The following QSOX1 variants were observed in gnomAD, a reference collection of about 807,000 sequenced individuals.
QSOX1 encodes the protein sulfhydryl oxidase 1.
Under a neutral mutation model 76.1 loss-of-function variants are expected in QSOX1, and 40 were observed. The observed-to-expected ratio is 0.53, with a 90% CI of 0.41 to 0.68. QSOX1 has a LOEUF of 0.68. QSOX1 is among the 30% of genes least tolerant of loss of function. The probability of loss-of-function intolerance (pLI) is 0.00; values close to 1 mark genes in which losing one functional copy is unlikely to be tolerated. For missense variants in QSOX1, 931 were observed against 974.3 expected (o/e 0.96, Z 0.59); for synonymous variants, 392 against 413.1 (o/e 0.95, Z 0.62).
chr1:180,197,404 G>T lies in QSOX1; in HGVS notation c.*367G>T, dbSNP rs570309243. 2.5e-6 allele frequency: 4 copies of T among 1,610,640 alleles called. No homozygotes were observed. The East Asian group carries it at 8.9e-5, about 36-fold the overall frequency. ...TGCTTGGTCTTGGCCCTCAACTGGG[G>T]CAAGTGAAGCCAGAGGAGGGTCCCC... On this transcript the variant is annotated 3_prime_UTR_variant, in exon 12 of 12. Coordinates refer to ENST00000367602, the MANE Select transcript of QSOX1 (RefSeq NM_002826.5).
At chr1:180,162,021 C>T (rs1225944032) in intron 1 of QSOX1, among the ~76,000 whole-genome samples, 1 of 152,166 alleles carries the variant, frequency 6.6e-6, no homozygotes, top group African/African-American at 2.4e-5. Flanking sequence ...GACAATAAGA[C>T]TTAAAATGGT....
chr1:180,184,089 CTCTGATCACAGACCACCACACCT>C (rs1558190197), intron 7 of QSOX1, 39 bp downstream of exon 7: 1 of 1,608,002 alleles, frequency 6.2e-7, no homozygotes, highest in Non-Finnish European at 8.5e-7. Flanking sequence ...CTTCTCCTTC[CTCTGATCACAGACCACCACACCT>C]TCACACCCAC....
At chr1:180,183,625 G>T (rs1036774004) in intron 6 of QSOX1, among the ~76,000 whole-genome samples, 2 of 152,182 alleles carry the variant, frequency 1.3e-5, no homozygotes, top group Admixed American at 1.3e-4. Flanking sequence ...GCCCTGCCTG[G>T]AGCCAGAGGG....
At chr1:180,186,273 C>T in intron 8 of QSOX1, 91 bp downstream of exon 8, 1 of 1,508,166 alleles carries the variant, frequency 6.6e-7, no homozygotes, top group Non-Finnish European at 8.9e-7. Context: ...CAGCCCCTCC[C>T]TCCAGAAGCC....
intron 1 of QSOX1, among the ~76,000 whole-genome samples, chr1:180,157,694 C>G (rs954518927): frequency 2.6e-5 from 4 of 152,276 alleles, no homozygotes; most frequent in Middle Eastern, 3.4e-3. Flanking sequence ...CCTGGTTTAT[C>G]CCCTTTCTAT....
In QSOX1 at chr1:180,197,881, G is replaced by A. The variant is rs552499022; in HGVS notation, c.*844G>A. The A allele has an allele frequency of 3.3e-6, 1 of 304,234 alleles. No homozygotes were observed. Among genetic ancestry groups the A allele is most frequent in the East Asian group, 8.7e-5 (1 of 11,534 alleles). The allele number at this position is 304,234 out of a possible 1,614,324, so 18.8% of individuals were successfully genotyped here. A position where few individuals can be genotyped will look rare whatever the true frequency, so the allele number is the denominator to read the frequency against. On this transcript the variant is annotated 3_prime_UTR_variant, in exon 12 of 12. Coordinates refer to ENST00000367602, the MANE Select transcript of QSOX1 (RefSeq NM_002826.5). Reference sequence around the variant, plus strand: ...CATCTTTGGAGGGTGCCAGGTAGAAGCTAGGGAGGGGAGTGTCTTCTCTCT... The same window carrying A: ...CATCTTTGGAGGGTGCCAGGTAGAAACTAGGGAGGGGAGTGTCTTCTCTCT...
In QSOX1 at chr1:180,155,141, G is replaced by A. The variant is rs750971834; in HGVS notation, c.234G>A (p.Pro78=). 36 of 1,520,046 alleles carry A rather than the reference G, an allele frequency of 2.4e-5. No homozygotes were observed. Among genetic ancestry groups the A allele is most frequent in the South Asian group, 7.3e-5 (6 of 82,664 alleles). The allele number at this position is 1,520,046 out of a possible 1,614,324, so 94.2% of individuals were successfully genotyped here. Residue 78 remains proline, a synonymous_variant, in exon 1 of 12, where the codon CCG becomes CCA. Transcript: ENST00000367602. ...GCGGCCACTGCATCGCCTTCGCCCC[G>A]ACGTGGAAGGCGCTGGCCGAAGACG... ...SWCGHCIAFA[P]TWKALAEDVK... is the part of the protein sequence containing the mutation.
At chr1:180,172,607 C>T (rs541952902) in intron 2 of QSOX1, among the ~76,000 whole-genome samples, 27 of 152,278 alleles carry the variant, frequency 1.8e-4, no homozygotes, top group Admixed American at 2.6e-4. Flanking sequence ...GTAACCTCCA[C>T]CTCCCAGGTT....
intron 3 of QSOX1, 21 bp downstream of exon 3, chr1:180,175,387 G>A (rs759527572): frequency 6.2e-7 from 1 of 1,611,954 alleles, no homozygotes; most frequent in South Asian, 1.1e-5. Context: ...AGCTCTGGTT[G>A]TCCTGTTAGC....
At chr1:180,195,539 G>C (rs1357093545) in intron 11 of QSOX1, among the ~76,000 whole-genome samples, 2 of 152,196 alleles carry the variant, frequency 1.3e-5, no homozygotes, top group African/African-American at 4.8e-5. Context: ...GCAACACTGC[G>C]TGAGGGGCTG....
chr1:180,181,806 G>C (rs954381386), intron 5 of QSOX1, among the ~76,000 whole-genome samples: 2 of 152,206 alleles, frequency 1.3e-5, no homozygotes, highest in African/African-American at 4.8e-5. Context: ...ACAAGAACGT[G>C]CTGGCTCAGT....
At chr1:180,178,760 T>C (rs1249342673) in intron 4 of QSOX1, 34 bp from the exon 5 acceptor site, 3 of 1,586,030 alleles carry the variant, frequency 1.9e-6, no homozygotes, top group Non-Finnish European at 2.6e-6. Context: ...TTCTGCTGGC[T>C]GTGCAGAGTG....
At chr1:180,166,453 G>T in intron 1 of QSOX1, 38 bp from the exon 2 acceptor site, 1 of 1,523,674 alleles carries the variant, frequency 6.6e-7, no homozygotes, top group Non-Finnish European at 9.1e-7. Flanking sequence ...GGGGGTACCA[G>T]CCCCTCTTAT....
intron 1 of QSOX1, 135 bp downstream of exon 1, chr1:180,155,307 C>G: frequency 2.5e-6 from 2 of 802,628 alleles, no homozygotes; most frequent in Non-Finnish European, 3.6e-6. Flanking sequence ...TCCGCGCATC[C>G]CACGCCCACC....
intron 5 of QSOX1, among the ~76,000 whole-genome samples, chr1:180,180,055 G>A (rs532047720): frequency 2.6e-5 from 4 of 152,374 alleles, no homozygotes; most frequent in East Asian, 1.9e-4. Flanking sequence ...GGTGCTTAGC[G>A]TGGGACCAGT....
Position 180,199,042 on chromosome 1 carries a change from C to T in QSOX1, c.*2005C>T, listed in dbSNP as rs1006863412. The T allele has an allele frequency of 1.9e-4, 30 of 155,904 alleles. No individual in the cohort carries two copies. The highest frequency in any genetic ancestry group is 2.8e-4 in the Non-Finnish European group (20 of 70,254). The allele number at this position is 155,904 out of a possible 1,614,324, so 9.7% of individuals were successfully genotyped here. ...TGTTGGAAACACTGTCGCAGCAGCC[C>T]GGGCTGCACAGTGTGTAGCCCAGCC... On this transcript the variant is annotated 3_prime_UTR_variant, in exon 12 of 12. Coordinates refer to ENST00000367602, the MANE Select transcript of QSOX1 (RefSeq NM_002826.5).
intron 6 of QSOX1, among the ~76,000 whole-genome samples, chr1:180,183,541 C>T (rs562503510): frequency 3.9e-5 from 6 of 152,152 alleles, no homozygotes; most frequent in Admixed American, 6.5e-5. Context: ...TATTGAATCT[C>T]GGGGTCCTTG....
chr1:180,163,233 CT>C (rs1662535282), intron 1 of QSOX1, among the ~76,000 whole-genome samples: 1 of 152,054 alleles, frequency 6.6e-6, no homozygotes, highest in Non-Finnish European at 1.5e-5. Flanking sequence ...TTGTCCTGTA[CT>C]GTTCCTCTTT....
At chr1:180,185,930 A>G in intron 7 of QSOX1, 123 bp from the exon 8 acceptor site, 1 of 1,233,176 alleles carries the variant, frequency 8.1e-7, no homozygotes. Flanking sequence ...GTGGTAACTT[A>G]CAAGACTCTG....
Sources: allele counts gnomAD v4.1 joint callset (sites outside exome capture counted in the v4.1 genomes callset), GRCh38; gene constraint gnomAD v4.1.1; transcripts MANE v1.5; gene names NCBI Gene and HGNC (gene_info 2026-07-23, HGNC 2026-07-21).